The following ST7 variants were observed in gnomAD, a reference collection of about 807,000 sequenced individuals.
The protein encoded by ST7 is suppression of tumorigenicity 7.
In ST7, 28 loss-of-function variants were observed where a neutral mutation model predicts 78.7. The observed-to-expected ratio is 0.36, with a 90% CI of 0.26 to 0.49. The LOEUF (loss-of-function observed/expected upper bound fraction) is 0.49, where lower values mean the gene tolerates loss of function less well. Among genes scored for constraint, ST7 ranks in the 20% least tolerant of loss-of-function variants. ST7 has a pLI of 0.99. For missense variants in ST7, 418 were observed against 696.0 expected (o/e 0.60, Z 4.49); for synonymous variants, 247 against 249.6 (o/e 0.99, Z 0.10).
chr7:117,043,143 A>G (rs1027086759), intron 1 of ST7, among the ~76,000 whole-genome samples: 5 of 152,236 alleles, frequency 3.3e-5, no homozygotes, highest in African/African-American at 1.2e-4. Context: ...ATCACAAAAC[A>G]CATGCTATTA....
Position 117,222,228 on chromosome 7 carries a change from G to A in ST7, c.1638+166G>A, listed in dbSNP as rs1046350724. On this transcript the variant is annotated intron_variant, in intron 15 of 15. Coordinates refer to ENST00000323984, the MANE Select transcript of ST7 (RefSeq NM_001369598.1). ...ATCGTCAATGGAATCAAAGCATTAA[G>A]GGTCAAATGAGAAAGTGCAGGTTGT... Among the ~76,000 whole-genome samples the A allele has an allele frequency of 3.3e-5, 5 of 152,140 alleles. No homozygotes were observed. In the South Asian group the frequency reaches 6.2e-4, roughly 19 times the overall value.
chr7:117,135,396 T>C (rs1563109853), intron 7 of ST7, among the ~76,000 whole-genome samples: 3 of 152,112 alleles, frequency 2.0e-5, no homozygotes, highest in Admixed American at 2.0e-4. Flanking sequence ...TGTTAGCTAC[T>C]GTGGCTGAGT....
intron 1 of ST7, among the ~76,000 whole-genome samples, chr7:117,091,620 C>G (rs1347898870): frequency 1.3e-5 from 2 of 152,152 alleles, no homozygotes; most frequent in Non-Finnish European, 2.9e-5. Context: ...GTTGGTGTAT[C>G]TTAGCACCCT....
At chr7:117,039,580 CAAAAAAA>C (rs573637216) in intron 1 of ST7, among the ~76,000 whole-genome samples, 1 of 81,566 alleles carries the variant, frequency 1.2e-5, no homozygotes, top group African/African-American at 4.3e-5. Flanking sequence ...TCTGTAAAAG[CAAAAAAA>C]AAAAAAAAAT....
Position 116,972,486 on chromosome 7 carries a change from G to A in ST7, c.151+18795G>A. 8 of 888,388 alleles carry A rather than the reference G, an allele frequency of 9.0e-6. No individual in the cohort carries two copies. In the South Asian group the frequency reaches 1.2e-4, roughly 13 times the overall value. 55.0% of individuals were successfully genotyped at this position (888,388 alleles called of 1,614,324 possible). ...CTGCCAGCTCAGTTTGTTCCTCTGT[G>A]CGTTCCAAGTCTCTTTCAATGATCA... On this transcript the variant is annotated intron_variant, in intron 1 of 15. Coordinates refer to ENST00000323984, the MANE Select transcript of ST7 (RefSeq NM_001369598.1).
chr7:116,970,879 A>G (rs1793383154), intron 1 of ST7, among the ~76,000 whole-genome samples: 2 of 151,956 alleles, frequency 1.3e-5, no homozygotes, highest in African/African-American at 4.8e-5. Context: ...CTTCTCTCCC[A>G]CTATTTTTTT....
Position 117,213,094 on chromosome 7 carries a change from A to G in ST7, c.1405+3157A>G, listed in dbSNP as rs922478613. Among the ~76,000 whole-genome samples, 6 of 152,224 alleles carry G rather than the reference A, an allele frequency of 3.9e-5. 1 individual carries two copies. Among genetic ancestry groups the G allele is most frequent in the Non-Finnish European group, 8.8e-5 (6 of 68,036 alleles). Reference sequence around the variant, plus strand: ...ATACCCCACCCACCCCAGATTGGTGACTTCAGGAAAGTTGCCGCAGCTCCC... The same window carrying G: ...ATACCCCACCCACCCCAGATTGGTGGCTTCAGGAAAGTTGCCGCAGCTCCC... On this transcript the variant is annotated intron_variant, in intron 13 of 15. Transcript: ENST00000323984.
At chr7:117,017,640 G>A (rs1032853075) in intron 1 of ST7, among the ~76,000 whole-genome samples, 3 of 151,880 alleles carry the variant, frequency 2.0e-5, no homozygotes, top group Non-Finnish European at 2.9e-5. Context: ...TTTTTGGAGG[G>A]GGGTTAGTAA....
intron 1 of ST7, among the ~76,000 whole-genome samples, chr7:116,994,567 CT>C (rs1455332413): frequency 6.6e-6 from 1 of 152,036 alleles, no homozygotes; most frequent in African/African-American, 2.4e-5. Context: ...ATGGTAGAAT[CT>C]ACTAGATATG....
chr7:116,970,145 A>G (rs1194675218), intron 1 of ST7, among the ~76,000 whole-genome samples: 1 of 152,154 alleles, frequency 6.6e-6, no homozygotes, highest in Non-Finnish European at 1.5e-5. Flanking sequence ...TTATAGAGAA[A>G]GGGAAAGCTC....
chr7:116,967,232 A>C (rs1562982373), intron 1 of ST7: 3 of 467,508 alleles, frequency 6.4e-6, no homozygotes, highest in African/African-American at 4.0e-5. Context: ...ATAGGTAGTA[A>C]TTCTGAGCCT....
At chr7:117,066,423 C>A (rs1424767541) in intron 1 of ST7, among the ~76,000 whole-genome samples, 1 of 151,930 alleles carries the variant, frequency 6.6e-6, no homozygotes, top group Non-Finnish European at 1.5e-5. Flanking sequence ...TTCTAAATAG[C>A]TTTATTGAAA....
chr7:117,093,857 T>A (rs1800828406), intron 1 of ST7, among the ~76,000 whole-genome samples: 1 of 152,222 alleles, frequency 6.6e-6, no homozygotes, highest in African/African-American at 2.4e-5. Context: ...TAAAATTTTA[T>A]AGACAATGAA....
chr7:117,138,001 G>A (rs1466567433), intron 8 of ST7, among the ~76,000 whole-genome samples: 1 of 151,926 alleles, frequency 6.6e-6, no homozygotes, highest in African/African-American at 2.4e-5. Context: ...CTAGTGTTAG[G>A]GAAAGAATAA....
chr7:117,034,870 G>A (rs1021390372), intron 1 of ST7, among the ~76,000 whole-genome samples: 7 of 152,076 alleles, frequency 4.6e-5, no homozygotes, highest in Non-Finnish European at 8.8e-5. Flanking sequence ...ATGTAAGAAG[G>A]GAAATAATAC....
chr7:117,031,816 ATATATC>A (rs71148360), intron 1 of ST7, among the ~76,000 whole-genome samples: 1,916 of 41,314 alleles, frequency 0.046, 155 homozygotes, highest in African/African-American at 0.11. Context: ...ATATATATGC[ATATATC>A]TATATCTATA....
chr7:117,080,129 C>T (rs2428287), intron 1 of ST7, among the ~76,000 whole-genome samples: 40,362 of 150,838 alleles, frequency 0.27, 5,806 homozygotes, highest in Non-Finnish European at 0.33. Flanking sequence ...TACAGGCGCC[C>T]GCCACTACGC....
chr7:117,011,818 G>C (rs58423172), intron 1 of ST7, among the ~76,000 whole-genome samples: 2 of 152,146 alleles, frequency 1.3e-5, no homozygotes, highest in Admixed American at 6.5e-5. Flanking sequence ...TGGGAAGGGG[G>C]CATCTAGGCA....
chr7:117,041,179 C>T (rs530934273), intron 1 of ST7, among the ~76,000 whole-genome samples: 15 of 152,254 alleles, frequency 9.9e-5, no homozygotes, highest in South Asian at 8.3e-4. Context: ...TAAGGAGTTT[C>T]GAGATGTGTC....
Sources: allele counts gnomAD v4.1 joint callset (sites outside exome capture counted in the v4.1 genomes callset), GRCh38; gene constraint gnomAD v4.1.1; transcripts MANE v1.5; gene names NCBI Gene and HGNC (gene_info 2026-07-23, HGNC 2026-07-21).